Variants in ACACA observed in about 807,000 individuals in gnomAD.
The protein encoded by ACACA is acetyl-CoA carboxylase alpha, also known as acetyl-CoA carboxylase 1.
Under a neutral mutation model 296.1 loss-of-function variants are expected in ACACA, and 103 were observed. That is an observed-to-expected ratio of 0.35 (90% CI 0.30 to 0.41). The LOEUF (loss-of-function observed/expected upper bound fraction) is 0.41. ACACA is among the 10% of genes least tolerant of loss of function. ACACA has a pLI of 1.00. For missense variants in ACACA, 1,554 were observed against 2,989.7 expected (o/e 0.52, Z 11.20); for synonymous variants, 953 against 1,038.6 (o/e 0.92, Z 1.58).
At chr17:37,355,713 C>A (rs2049109136) in intron 1 of ACACA, among the ~76,000 whole-genome samples, 1 of 151,792 alleles carries the variant, frequency 6.6e-6, no homozygotes, top group Admixed American at 6.6e-5. Context: ...AAAAAATTAG[C>A]CAGGCGTGGT....
intron 24 of ACACA, among the ~76,000 whole-genome samples, chr17:37,237,608 C>T (rs1415575045): frequency 2.6e-5 from 4 of 152,046 alleles, no homozygotes; most frequent in Non-Finnish European, 5.9e-5. Flanking sequence ...ATTATTTGTA[C>T]TTCTTCTTCT....
At chr17:37,376,124 T>C (rs2049991792) in intron 1 of ACACA, 2 of 1,612,988 alleles carry the variant, frequency 1.2e-6, no homozygotes, top group Admixed American at 3.3e-5. Flanking sequence ...AGCCTAATCA[T>C]TGCATCCTAT....
chr17:37,149,995 AC>A (rs1567725017), intron 44 of ACACA, 21 bp from the exon 45 acceptor site: 1 of 1,602,380 alleles, frequency 6.2e-7, no homozygotes, highest in Non-Finnish European at 8.6e-7. Context: ...AATAAATTCT[AC>A]ATGTCACATA....
At chr17:37,402,295 G>C (rs1227940778) in intron 1 of ACACA, among the ~76,000 whole-genome samples, 1 of 152,048 alleles carries the variant, frequency 6.6e-6, no homozygotes, top group East Asian at 1.9e-4. Flanking sequence ...TGTTCCTAAG[G>C]AAGTGATGTC....
At chr17:37,310,888 G>A (rs2084105019) in intron 3 of ACACA, among the ~76,000 whole-genome samples, 1 of 151,994 alleles carries the variant, frequency 6.6e-6, no homozygotes, top group Non-Finnish European at 1.5e-5. Context: ...ACACTCAAAG[G>A]TTGCATGAAA....
intron 51 of ACACA, among the ~76,000 whole-genome samples, chr17:37,112,339 C>A (rs2074023014): frequency 6.6e-6 from 1 of 152,172 alleles, no homozygotes; most frequent in Non-Finnish European, 1.5e-5. Flanking sequence ...TGGCACTGTT[C>A]TAATAACTTA....
At chr17:37,118,610 G>A (rs2074372055) in intron 50 of ACACA, among the ~76,000 whole-genome samples, 1 of 152,132 alleles carries the variant, frequency 6.6e-6, no homozygotes, top group Non-Finnish European at 1.5e-5. Context: ...GTTACAGGGA[G>A]CTACATCACA....
chr17:37,161,135 G>A (rs766512358), intron 42 of ACACA, among the ~76,000 whole-genome samples: 2 of 152,194 alleles, frequency 1.3e-5, no homozygotes, highest in Non-Finnish European at 2.9e-5. Flanking sequence ...GGAACTAAAA[G>A]ATGCAAAGAA....
chr17:37,109,717 G>A (rs1161066264), intron 52 of ACACA, among the ~76,000 whole-genome samples: 1 of 152,214 alleles, frequency 6.6e-6, no homozygotes, highest in Non-Finnish European at 1.5e-5. Flanking sequence ...GCTGGTTGAA[G>A]GTGGGAGCGA....
intron 1 of ACACA, among the ~76,000 whole-genome samples, chr17:37,394,842 T>C (rs1023007507): frequency 6.6e-6 from 1 of 151,368 alleles, no homozygotes; most frequent in African/African-American, 2.4e-5. Flanking sequence ...TGAGCCGAGA[T>C]TGTGCCACTG....
chr17:37,335,840 C>T (rs962606990), intron 2 of ACACA, among the ~76,000 whole-genome samples: 8 of 152,156 alleles, frequency 5.3e-5, no homozygotes, highest in Non-Finnish European at 7.4e-5. Context: ...TTGCTAACCG[C>T]GGAAAGCGGG....
chr17:37,392,332 T>C (rs2050918032), intron 1 of ACACA: 1 of 152,314 alleles, frequency 6.6e-6, no homozygotes, highest in South Asian at 2.1e-4. Context: ...CTTCTGACGA[T>C]CCAGAATTCC....
intron 45 of ACACA, among the ~76,000 whole-genome samples, chr17:37,137,428 C>G (rs1597934053): frequency 6.6e-6 from 1 of 152,110 alleles, no homozygotes; most frequent in Non-Finnish European, 1.5e-5. Flanking sequence ...CTTTAGAACA[C>G]ATGAAAGGCC....
chr17:37,188,858 T>C (rs921067127), intron 38 of ACACA, among the ~76,000 whole-genome samples: 1 of 152,234 alleles, frequency 6.6e-6, no homozygotes, highest in African/African-American at 2.4e-5. Context: ...AGCTATTAAG[T>C]AGCATTTATA....
At chr17:37,216,624 T>G (rs980127173) in intron 29 of ACACA, among the ~76,000 whole-genome samples, 3 of 151,870 alleles carry the variant, frequency 2.0e-5, no homozygotes, top group Non-Finnish European at 4.4e-5. Context: ...CAAAGTCCTA[T>G]GATGAATTAA....
chr17:37,330,094 C>A, intron 3 of ACACA, 79 bp downstream of exon 3: 1 of 1,565,242 alleles, frequency 6.4e-7, no homozygotes, highest in Non-Finnish European at 8.8e-7. Flanking sequence ...TAGCTGAAAT[C>A]ATCCTTGCTC....
At position 37,247,947 on chromosome 17, in the gene ACACA, T is replaced by C. The variant is rs2146036122; in HGVS notation, c.2309+64A>G. 5 of 1,601,922 alleles carry C rather than the reference T, an allele frequency of 3.1e-6. 1 individual carries two copies. Among genetic ancestry groups the C allele is most frequent in the East Asian group, 4.5e-5 (2 of 44,800 alleles). ...AAAAGCCTGGGAAAATCCCAAGAGCTAGTAGCTAATAAGAGAAAAGGCTAA... is the reference window on the plus strand; with the variant it reads ...AAAAGCCTGGGAAAATCCCAAGAGCCAGTAGCTAATAAGAGAAAAGGCTAA... On this transcript the variant is annotated intron_variant, in intron 18 of 55. Coordinates refer to ENST00000616317, the MANE Select transcript of ACACA (RefSeq NM_198834.3).
chr17:37,377,132 C>A (rs1418625097), intron 1 of ACACA, among the ~76,000 whole-genome samples: 1 of 151,854 alleles, frequency 6.6e-6, no homozygotes, highest in Non-Finnish European at 1.5e-5. Flanking sequence ...ATAGAGATAC[C>A]AAGGTCAGAC....
chr17:37,370,758 G>A (rs1302803514), intron 1 of ACACA, among the ~76,000 whole-genome samples: 4 of 151,884 alleles, frequency 2.6e-5, no homozygotes, highest in African/African-American at 7.3e-5. Context: ...TGAGGTGGGC[G>A]GATCACCCTG....
Sources: allele counts gnomAD v4.1 joint callset (sites outside exome capture counted in the v4.1 genomes callset), GRCh38; gene constraint gnomAD v4.1.1; transcripts MANE v1.5; gene names NCBI Gene and HGNC (gene_info 2026-07-23, HGNC 2026-07-21).